The following PCDHGA8 variants were observed in gnomAD, a reference collection of about 807,000 sequenced individuals.
PCDHGA8 encodes protocadherin gamma subfamily A, 8.
Under a neutral mutation model 59.2 loss-of-function variants are expected in PCDHGA8, and 45 were observed. That is an observed-to-expected ratio of 0.76 (90% CI 0.60 to 0.98). The LOEUF (loss-of-function observed/expected upper bound fraction) is 0.98. Ranked by LOEUF, PCDHGA8 falls within the 50% of genes least tolerant of loss-of-function variation. The pLI, the probability that PCDHGA8 is intolerant of heterozygous loss-of-function variation, is 0.00. For synonymous variants in PCDHGA8, 531 were observed against 519.0 expected (o/e 1.02, Z -0.32); for missense variants, 1,257 against 1,196.2 (o/e 1.05, Z -0.75).
At position 141,489,515 on chromosome 5, in the gene PCDHGA8, G is replaced by T; in HGVS notation, c.2425-5292G>T. ...CTGGCAGTGAATCAAAAGATTGACC[G>T]AGAAAGCCTATGTGGAGCCAGCACC... On this transcript the variant is annotated intron_variant, in intron 1 of 3. Coordinates refer to ENST00000398604, the MANE Select transcript of PCDHGA8 (RefSeq NM_032088.2). This position sits in a 1 kb window ranked among gnomAD's most constrained non-coding sequence, Gnocchi z 4.5. 4.3e-6 allele frequency: 7 copies of T among 1,614,104 alleles called. No individual in the cohort carries two copies. Among genetic ancestry groups the T allele is most frequent in the Non-Finnish European group, 5.9e-6 (7 of 1,180,034 alleles).
In PCDHGA8 at chr5:141,477,500, T is replaced by C. The variant is rs757547508; in HGVS notation, c.2425-17307T>C. The C allele has an allele frequency of 3.1e-6, 5 of 1,614,156 alleles. No homozygotes were observed. Among genetic ancestry groups the C allele is most frequent in the Non-Finnish European group, 4.2e-6 (5 of 1,180,026 alleles). ...CCCTCCACAATCTTCTCAATCTTCC[T>C]ACGACGTTTACATTGAAGAAAACAA... On this transcript the variant is annotated intron_variant, in intron 1 of 3. Coordinates refer to ENST00000398604, the MANE Select transcript of PCDHGA8 (RefSeq NM_032088.2). This position sits in a 1 kb window ranked among gnomAD's most constrained non-coding sequence, Gnocchi z 4.9.
intron 1 of PCDHGA8, chr5:141,419,312 G>A (rs35892780): frequency 1.2e-6 from 2 of 1,613,962 alleles, no homozygotes; most frequent in South Asian, 2.2e-5. Context: ...CGGGCTCAAC[G>A]GCCGTGTCTC....
At chr5:141,430,985 G>T (rs773308629) in intron 1 of PCDHGA8, 4 of 1,613,780 alleles carry the variant, frequency 2.5e-6, no homozygotes, top group Non-Finnish European at 3.4e-6. Flanking sequence ...GCAGCTTTTC[G>T]CCCTGAATCC....
chr5:141,436,095 GA>G (rs2097795730), intron 1 of PCDHGA8, among the ~76,000 whole-genome samples: 2 of 152,112 alleles, frequency 1.3e-5, no homozygotes, highest in Non-Finnish European at 2.9e-5. Context: ...AATATTGAGA[GA>G]AATAGAGGAC....
chr5:141,482,000 G>A (rs1421859839), intron 1 of PCDHGA8, among the ~76,000 whole-genome samples: 8 of 150,854 alleles, frequency 5.3e-5, no homozygotes, highest in East Asian at 1.9e-4. Flanking sequence ...CAGGAGAATC[G>A]CTTTATCTCA....
At chr5:141,435,391 A>C (rs1328617100) in intron 1 of PCDHGA8, among the ~76,000 whole-genome samples, 5 of 152,202 alleles carry the variant, frequency 3.3e-5, no homozygotes, top group African/African-American at 1.2e-4. Flanking sequence ...CCGTATTGCC[A>C]TGACGAAAAA....
chr5:141,446,771 A>G (rs1008985621), intron 1 of PCDHGA8, among the ~76,000 whole-genome samples: 3 of 152,158 alleles, frequency 2.0e-5, no homozygotes, highest in Admixed American at 2.0e-4. Flanking sequence ...CCAGCCGGTT[A>G]CCATTCTTTT....
intron 1 of PCDHGA8, among the ~76,000 whole-genome samples, chr5:141,468,782 C>T (rs1280972843): frequency 2.0e-5 from 3 of 151,990 alleles, no homozygotes; most frequent in East Asian, 3.9e-4. Context: ...AGGAGAATGG[C>T]GTGAACCCGG....
At chr5:141,423,734 T>C in intron 1 of PCDHGA8, 1 of 969,626 alleles carries the variant, frequency 1.0e-6, no homozygotes, top group Non-Finnish European at 1.3e-6. Flanking sequence ...TTTTTGAGCC[T>C]GTTATGAAAA....
At chr5:141,399,591 G>A (rs2093843307) in intron 1 of PCDHGA8, 1 of 1,613,970 alleles carries the variant, frequency 6.2e-7, no homozygotes. Flanking sequence ...ACTCTATCAT[G>A]GCCAGCGACC....
At chr5:141,399,937 G>C in intron 1 of PCDHGA8, 1 of 1,612,360 alleles carries the variant, frequency 6.2e-7, no homozygotes, top group African/African-American at 1.3e-5. Flanking sequence ...GTCCTACCAC[G>C]TGCTGCAGGC....
In PCDHGA8 at chr5:141,489,210, G is replaced by A; in HGVS notation, c.2425-5597G>A. ...TCTACCTTGGAGACAGGACAGCACAGACTTACTCTCCACAAAGGGACTTCT... is the reference window on the plus strand; with the variant it reads ...TCTACCTTGGAGACAGGACAGCACAAACTTACTCTCCACAAAGGGACTTCT... On this transcript the variant is annotated intron_variant, in intron 1 of 3. Coordinates refer to ENST00000398604, the MANE Select transcript of PCDHGA8 (RefSeq NM_032088.2). The surrounding 1 kb of genome is among the most constrained non-coding windows in gnomAD (Gnocchi z 4.5). 6 of 1,461,860 alleles carry A rather than the reference G, an allele frequency of 4.1e-6. No homozygotes were observed. Among genetic ancestry groups the A allele is most frequent in the Non-Finnish European group, 5.6e-6 (6 of 1,080,904 alleles). 90.6% of individuals were successfully genotyped at this position (1,461,860 alleles called of 1,614,324 possible). A position where few individuals can be genotyped will look rare whatever the true frequency, so the allele number is the denominator to read the frequency against.
chr5:141,415,740 GT>G (rs57426385), intron 1 of PCDHGA8: 12,894 of 617,008 alleles, frequency 0.021, 1 homozygote, highest in South Asian at 0.027. Flanking sequence ...GTTTATTAAG[GT>G]TTTTTTTTTT....
At chr5:141,488,472 T>C (rs1183465817) in intron 1 of PCDHGA8, among the ~76,000 whole-genome samples, 1 of 152,096 alleles carries the variant, frequency 6.6e-6, no homozygotes, top group East Asian at 1.9e-4. Context: ...CCAGAAATGT[T>C]CCCCTACCCA....
At chr5:141,482,382 T>C (rs935517099) in intron 1 of PCDHGA8, among the ~76,000 whole-genome samples, 1 of 152,146 alleles carries the variant, frequency 6.6e-6, no homozygotes, top group Admixed American at 6.6e-5. Context: ...ATAAAGTCCC[T>C]GTATGGAGCA....
chr5:141,468,282 G>A (rs1368214716), intron 1 of PCDHGA8, among the ~76,000 whole-genome samples: 1 of 140,012 alleles, frequency 7.1e-6, no homozygotes, highest in African/African-American at 2.7e-5. Context: ...CCGAGACCAC[G>A]CCATTGCACC....
intron 2 of PCDHGA8, among the ~76,000 whole-genome samples, chr5:141,501,365 A>G (rs1360125423): frequency 1.3e-5 from 2 of 151,500 alleles, no homozygotes; most frequent in Admixed American, 6.6e-5. Flanking sequence ...AACCATATTC[A>G]TCATCTCTTA....
chr5:141,409,165 G>T (rs2095233723), intron 1 of PCDHGA8: 1 of 1,613,886 alleles, frequency 6.2e-7, no homozygotes, highest in Admixed American at 1.7e-5. Flanking sequence ...AAGTGGAAGC[G>T]AAGGACGGAG....
intron 1 of PCDHGA8, chr5:141,419,534 G>C: frequency 6.2e-7 from 1 of 1,612,078 alleles, no homozygotes; most frequent in African/African-American, 1.3e-5. Context: ...TAACGACAAC[G>C]CACCGCGGGT....
Sources: gnomAD v4.1 joint callset for allele counts (sites outside exome capture counted in the v4.1 genomes callset) on GRCh38, gnomAD v4.1.1 for gene constraint, Gnocchi (gnomAD v3.1) non-coding constraint, MANE v1.5 for transcripts, NCBI Gene and HGNC (gene_info 2026-07-23, HGNC 2026-07-21) for gene names.